CDH20: variants seen among roughly 807,000 people sequenced by gnomAD.
CDH20 encodes cadherin 20.
Under a neutral mutation model 74.2 loss-of-function variants are expected in CDH20, and 29 were observed. The ratio of observed to expected loss-of-function variants is 0.39; its 90% CI spans 0.29 to 0.53. The LOEUF (loss-of-function observed/expected upper bound fraction) is 0.53, where lower values mean the gene tolerates loss of function less well. Among genes scored for constraint, CDH20 ranks in the 20% least tolerant of loss-of-function variants. The probability of loss-of-function intolerance (pLI) is 0.69; values close to 1 mark genes in which losing one functional copy is unlikely to be tolerated. For missense variants in CDH20, 988 were observed against 1,048.3 expected (o/e 0.94, Z 0.79); for synonymous variants, 469 against 405.4 (o/e 1.16, Z -1.88).
chr18:61,550,265 T>C (rs1705207776), intron 11 of CDH20, 36 bp downstream of exon 11: 1 of 1,597,068 alleles, frequency 6.3e-7, no homozygotes, highest in Non-Finnish European at 8.6e-7. Flanking sequence ...TGTGGAGTCC[T>C]GCCAGTGCGC....
At chr18:61,482,463 TC>T (rs1910621782) in intron 1 of CDH20, among the ~76,000 whole-genome samples, 1 of 152,108 alleles carries the variant, frequency 6.6e-6, no homozygotes, top group Admixed American at 6.5e-5. Flanking sequence ...AATCCTTCCC[TC>T]CCCTGGATCC....
intron 1 of CDH20, among the ~76,000 whole-genome samples, chr18:61,379,528 C>G (rs539048916): frequency 6.6e-6 from 1 of 152,222 alleles, no homozygotes; most frequent in Non-Finnish European, 1.5e-5. Context: ...AAAGGAAAGT[C>G]TATGGAATAT....
intron 1 of CDH20, among the ~76,000 whole-genome samples, chr18:61,463,779 T>C (rs75178381): frequency 0.022 from 3,366 of 152,290 alleles, 56 homozygotes; most frequent in African/African-American, 0.05. Context: ...GTCCTCACTC[T>C]GTCCAGGGGT....
chr18:61,413,376 A>C (rs1422398325), intron 1 of CDH20, among the ~76,000 whole-genome samples: 4 of 152,156 alleles, frequency 2.6e-5, no homozygotes, highest in Admixed American at 2.6e-4. Flanking sequence ...TAACCAAAGG[A>C]TCAATAGACG....
At chr18:61,375,734 C>T (rs945426082) in intron 1 of CDH20, among the ~76,000 whole-genome samples, 6 of 152,096 alleles carry the variant, frequency 3.9e-5, no homozygotes, top group Non-Finnish European at 8.8e-5. Flanking sequence ...TAATAACAAA[C>T]TTTAATTAAC....
chr18:61,373,553 T>C (rs1482320595), intron 1 of CDH20, among the ~76,000 whole-genome samples: 3 of 152,078 alleles, frequency 2.0e-5, no homozygotes, highest in Non-Finnish European at 2.9e-5. Context: ...CAGCGCTCCT[T>C]CCAAAGCATG....
chr18:61,395,224 G>A (rs1911924838), intron 1 of CDH20, among the ~76,000 whole-genome samples: 1 of 152,158 alleles, frequency 6.6e-6, no homozygotes, highest in Non-Finnish European at 1.5e-5. Flanking sequence ...GTCTGGGTCT[G>A]AGAACTAACA....
At chr18:61,500,316 C>T (rs1310674985) in intron 3 of CDH20, 67 bp from the exon 4 acceptor site, 13 of 1,516,656 alleles carry the variant, frequency 8.6e-6, no homozygotes, top group South Asian at 2.6e-5. Flanking sequence ...TAAGATGGAC[C>T]GCTCAGGATT....
chr18:61,391,382 T>C (rs1354396853), intron 1 of CDH20, among the ~76,000 whole-genome samples: 1 of 152,172 alleles, frequency 6.6e-6, no homozygotes, highest in East Asian at 1.9e-4. Flanking sequence ...AACTAGTATG[T>C]TTCCGAGAGT....
intron 1 of CDH20, among the ~76,000 whole-genome samples, chr18:61,358,358 G>A (rs755430487): frequency 3.3e-5 from 5 of 151,976 alleles, no homozygotes; most frequent in African/African-American, 9.7e-5. Flanking sequence ...CTGACCTCGT[G>A]ATCCTCCCAC....
chr18:61,500,797 C>T (rs1292877691), intron 4 of CDH20, among the ~76,000 whole-genome samples: 1 of 152,138 alleles, frequency 6.6e-6, no homozygotes, highest in Admixed American at 6.5e-5. Flanking sequence ...ATATTTATTC[C>T]CAGGGACTAA....
At chr18:61,443,067 A>G (rs1273207344) in intron 1 of CDH20, among the ~76,000 whole-genome samples, 2 of 152,146 alleles carry the variant, frequency 1.3e-5, no homozygotes, top group Non-Finnish European at 2.9e-5. Context: ...AGGGTGGGAG[A>G]GAAGACCTCA....
rs564108793 is a variant in CDH20, at chr18:61,369,263, A to G, written c.-153+35436A>G. Among the ~76,000 whole-genome samples, 3 of 152,238 alleles carry G rather than the reference A, an allele frequency of 2.0e-5. No homozygotes were observed. In the East Asian group the frequency reaches 5.8e-4, roughly 29 times the overall value. On this transcript the variant is annotated intron_variant, in intron 1 of 11. Coordinates refer to ENST00000262717, the MANE Select transcript of CDH20 (RefSeq NM_031891.4). Reference sequence around the variant, plus strand: ...CAAATACTTGTAGGGGTGGAATTGGAATATAAAGTCAGGTTTGTCTGACTG... The same window carrying G: ...CAAATACTTGTAGGGGTGGAATTGGGATATAAAGTCAGGTTTGTCTGACTG...
At chr18:61,347,287 A>AATATATATATATAT (rs758677743) in intron 1 of CDH20, among the ~76,000 whole-genome samples, 28 of 86,394 alleles carry the variant, frequency 3.2e-4, no homozygotes, top group African/African-American at 1.0e-3. Context: ...TGTCTCTGCT[A>AATATATATATATAT]ATATATATAT....
At chr18:61,495,975 C>A (rs1599125051) in intron 2 of CDH20, among the ~76,000 whole-genome samples, 1 of 151,658 alleles carries the variant, frequency 6.6e-6, no homozygotes, top group Non-Finnish European at 1.5e-5. Flanking sequence ...ACCCGCTCCC[C>A]ACTCCTTTTC....
chr18:61,476,135 C>T (rs188102939), intron 1 of CDH20, among the ~76,000 whole-genome samples: 66 of 152,202 alleles, frequency 4.3e-4, no homozygotes, highest in African/African-American at 1.5e-3. Flanking sequence ...CGTTAAGATG[C>T]GTGTGGACTT....
intron 7 of CDH20, among the ~76,000 whole-genome samples, chr18:61,533,161 A>G (rs1912706391): frequency 6.6e-6 from 1 of 152,156 alleles, no homozygotes; most frequent in African/African-American, 2.4e-5. Context: ...AAATTTAATT[A>G]TCCAGGTGGG....
At chr18:61,462,434 A>G (rs1197939470) in intron 1 of CDH20, among the ~76,000 whole-genome samples, 1 of 152,102 alleles carries the variant, frequency 6.6e-6, no homozygotes, top group East Asian at 1.9e-4. Flanking sequence ...TAACATGATT[A>G]TATCTGCAAA....
intron 1 of CDH20, among the ~76,000 whole-genome samples, chr18:61,451,165 A>C (rs1046988295): frequency 1.3e-5 from 2 of 151,998 alleles, no homozygotes; most frequent in Middle Eastern, 3.4e-3. Context: ...ATATTTCAGG[A>C]AGTTTAAAAT....
Sources: gnomAD v4.1 joint callset for allele counts (sites outside exome capture counted in the v4.1 genomes callset) on GRCh38, gnomAD v4.1.1 for gene constraint, MANE v1.5 for transcripts, NCBI Gene and HGNC (gene_info 2026-07-23, HGNC 2026-07-21) for gene names.